TSGA10: variants seen among roughly 807,000 people sequenced by gnomAD.
The protein encoded by TSGA10 is testis-specific gene 10 protein.
In TSGA10, 43 loss-of-function variants were observed where a neutral mutation model predicts 96.6. The ratio of observed to expected loss-of-function variants is 0.44; its 90% CI spans 0.35 to 0.57. TSGA10 has a LOEUF of 0.57. TSGA10 is among the 20% of genes least tolerant of loss of function. TSGA10 has a pLI of 0.01. For missense variants in TSGA10, 703 were observed against 834.4 expected, an observed-to-expected ratio of 0.84 and a Z score of 1.94; for synonymous variants, 229 against 269.9, an observed-to-expected ratio of 0.85 and a Z score of 1.48.
chr2:99,102,305 TGAA>T (rs1357632727), intron 10 of TSGA10: 5 of 1,611,864 alleles, frequency 3.1e-6, no homozygotes, highest in Admixed American at 1.7e-5. Context: ...AGTCTCAAGA[TGAA>T]GGAGAAGGGA....
In TSGA10 at chr2:99,042,562, G is replaced by A. The variant is rs185941013; in HGVS notation, c.1405-7123C>T. Among the ~76,000 whole-genome samples, 16 of 152,300 alleles carry A rather than the reference G, an allele frequency of 1.1e-4. 1 individual carries two copies. Among genetic ancestry groups the A allele is most frequent in the Admixed American group, 9.8e-4 (15 of 15,304 alleles). ...GTAACTGTCTCTACCGTCAAGCCTA[G>A]GAGTGGAACAGGAGCAGATCTCTTA... On this transcript the variant is annotated intron_variant, in intron 16 of 20. Transcript: ENST00000393483.
At chr2:99,099,878 A>G (rs13391211) in intron 10 of TSGA10, among the ~76,000 whole-genome samples, 2 of 152,198 alleles carry the variant, frequency 1.3e-5, no homozygotes, top group Non-Finnish European at 1.5e-5. Flanking sequence ...ATACCACACC[A>G]AAATACAAAA....
At chr2:99,139,883 G>C (rs1254064901) in intron 1 of TSGA10, among the ~76,000 whole-genome samples, 2 of 152,158 alleles carry the variant, frequency 1.3e-5, no homozygotes, top group Non-Finnish European at 2.9e-5. Context: ...GGCTATCTCT[G>C]GGGAGGGAAA....
chr2:99,101,244 CAAAAA>C (rs869263270), intron 10 of TSGA10, among the ~76,000 whole-genome samples: 7 of 24,348 alleles, frequency 2.9e-4, no homozygotes, highest in African/African-American at 1.5e-3. Flanking sequence ...GACTCTGTCT[CAAAAA>C]AAAAAAAAAA....
Position 99,102,038 on chromosome 2 carries a change from C to G in TSGA10, c.611+1929G>C, listed in dbSNP as rs188430733. ...TGTTAACAGAATTAAAGAAGTACAGCCATGTTAACAAAAAGGCTTTGGATC... is the reference window on the plus strand; with the variant it reads ...TGTTAACAGAATTAAAGAAGTACAGGCATGTTAACAAAAAGGCTTTGGATC... On this transcript the variant is annotated intron_variant, in intron 10 of 20. Transcript: ENST00000393483. 1.5e-5 allele frequency: 21 copies of G among 1,410,908 alleles called. No homozygotes were observed. The East Asian group carries it at 4.3e-4, about 29-fold the overall frequency. 87.4% of individuals were successfully genotyped at this position (1,410,908 alleles called of 1,614,324 possible).
intron 1 of TSGA10, among the ~76,000 whole-genome samples, chr2:99,136,519 C>CAAAAGAACTATCAACATATCCCTTCT (rs1280297152): frequency 1.0e-5 from 1 of 99,076 alleles, no homozygotes; most frequent in South Asian, 3.5e-4. Flanking sequence ...GTATTTCTGC[C>CAAAAGAACTATCAACATATCCCTTCT]GGGCGCGGTG....
chr2:99,138,323 T>G (rs1434699943), intron 1 of TSGA10, among the ~76,000 whole-genome samples: 1 of 152,212 alleles, frequency 6.6e-6, no homozygotes, highest in African/African-American at 2.4e-5. Flanking sequence ...GATAAGCTAT[T>G]TGCACTTATC....
intron 10 of TSGA10, among the ~76,000 whole-genome samples, chr2:99,097,371 G>C (rs1314982233): frequency 6.6e-6 from 1 of 152,054 alleles, no homozygotes; most frequent in Non-Finnish European, 1.5e-5. Context: ...AAATGTACAG[G>C]TAAATCTAAA....
intron 20 of TSGA10, among the ~76,000 whole-genome samples, chr2:99,008,066 A>G (rs1369325791): frequency 2.6e-5 from 4 of 152,230 alleles, no homozygotes; most frequent in Admixed American, 2.6e-4. Context: ...CTCCAAATGA[A>G]TCAGATATCT....
At chr2:99,034,379 C>T (rs1251188617) in intron 17 of TSGA10, among the ~76,000 whole-genome samples, 3 of 151,754 alleles carry the variant, frequency 2.0e-5, no homozygotes, top group South Asian at 2.1e-4. Context: ...TCCAGCCTGG[C>T]GACAGAGTGA....
intron 1 of TSGA10, among the ~76,000 whole-genome samples, chr2:99,134,709 TC>T (rs572359270): frequency 1.0e-3 from 154 of 152,326 alleles, no homozygotes; most frequent in Admixed American, 3.1e-3. Flanking sequence ...TTCCTCATCT[TC>T]ATGGATTTAT....
intron 12 of TSGA10, among the ~76,000 whole-genome samples, chr2:99,073,996 TTTTC>T: frequency 7.3e-6 from 1 of 136,198 alleles, no homozygotes; most frequent in Non-Finnish European, 1.6e-5. Flanking sequence ...TTCCTGTTTC[TTTTC>T]TTTTTTTTTT....
At chr2:99,126,431 T>C (rs1011404803) in intron 2 of TSGA10, 2 of 152,216 alleles carry the variant, frequency 1.3e-5, no homozygotes, top group African/African-American at 4.8e-5. Context: ...TTGTTCTTTG[T>C]GTCTTGAGAT....
At chr2:99,108,588 A>C (rs1209610142) in intron 7 of TSGA10, among the ~76,000 whole-genome samples, 1 of 152,178 alleles carries the variant, frequency 6.6e-6, no homozygotes, top group African/African-American at 2.4e-5. Flanking sequence ...TATTCCAAAA[A>C]TAAGACTATT....
intron 20 of TSGA10, among the ~76,000 whole-genome samples, chr2:99,005,986 C>T (rs980137701): frequency 2.0e-4 from 30 of 152,268 alleles, no homozygotes; most frequent in East Asian, 9.6e-4. Flanking sequence ...AGAAATAATG[C>T]CGCATATCTA....
chr2:99,139,125 T>C (rs974699577), intron 1 of TSGA10, among the ~76,000 whole-genome samples: 2 of 152,118 alleles, frequency 1.3e-5, no homozygotes, highest in African/African-American at 4.8e-5. Context: ...TAGCCAGGCA[T>C]AGTGGCATCC....
intron 14 of TSGA10, among the ~76,000 whole-genome samples, chr2:99,069,522 T>A (rs1476656530): frequency 6.6e-6 from 1 of 151,946 alleles, no homozygotes; most frequent in Non-Finnish European, 1.5e-5. Context: ...TTTTTTAATT[T>A]AAAAAAGAAA....
intron 1 of TSGA10, among the ~76,000 whole-genome samples, chr2:99,145,490 G>A (rs1398642979): frequency 2.0e-5 from 3 of 151,750 alleles, no homozygotes; most frequent in East Asian, 1.9e-4. Flanking sequence ...CCCAGGAGGC[G>A]GAGGCTGCAG....
At chr2:99,130,995 T>C (rs936441406) in intron 1 of TSGA10, among the ~76,000 whole-genome samples, 1 of 152,100 alleles carries the variant, frequency 6.6e-6, no homozygotes, top group Non-Finnish European at 1.5e-5. Context: ...TATTGGTATA[T>C]ATCTGTTTTG....
Sources: allele counts gnomAD v4.1 joint callset (sites outside exome capture counted in the v4.1 genomes callset), GRCh38; gene constraint gnomAD v4.1.1; transcripts MANE v1.5; gene names NCBI Gene and HGNC (gene_info 2026-07-23, HGNC 2026-07-21).